The following TNN variants were observed in gnomAD, a reference collection of about 807,000 sequenced individuals.
TNN encodes the protein tenascin-N.
Under a neutral mutation model 134.4 loss-of-function variants are expected in TNN, and 122 were observed. The ratio of observed to expected loss-of-function variants is 0.91; its 90% CI spans 0.78 to 1.06. The LOEUF (loss-of-function observed/expected upper bound fraction) is 1.06. Among genes scored for constraint, TNN ranks in the 50% least tolerant of loss-of-function variants. TNN has a pLI of 0.00. For missense variants in TNN, 1,739 were observed against 1,699.4 expected, an observed-to-expected ratio of 1.02 and a Z score of -0.41; for synonymous variants, 710 against 670.3, an observed-to-expected ratio of 1.06 and a Z score of -0.91.
rs985199762 is a variant in TNN at position 175,104,920 on chromosome 1, T to G, written c.2119+6325T>G. Reference sequence around the variant, plus strand: ...AATAATTCATGGGCTTTTTCCCAATTCTCCTTAGTCCTTCCAGAACACAGA... The same window carrying G: ...AATAATTCATGGGCTTTTTCCCAATGCTCCTTAGTCCTTCCAGAACACAGA... On this transcript the variant is annotated intron_variant, in intron 9 of 18. Coordinates refer to ENST00000239462, the MANE Select transcript of TNN (RefSeq NM_022093.2). Among the ~76,000 whole-genome samples, 7 of 145,948 alleles carry G rather than the reference T, an allele frequency of 4.8e-5. 1 individual carries two copies. The highest frequency in any genetic ancestry group is 1.7e-4 in the African/African-American group (7 of 40,518).
At position 175,077,689 on chromosome 1, in the gene TNN, C is replaced by G; in HGVS notation, c.271C>G (p.Arg91Gly). The G allele has an allele frequency of 6.2e-7, 1 of 1,614,236 alleles. No homozygotes were observed. Residue 91 changes from arginine to glycine, a missense_variant, in exon 2 of 19, where the codon CGC becomes GGC. Coordinates refer to ENST00000239462, the MANE Select transcript of TNN (RefSeq NM_022093.2). Reference sequence around the variant, plus strand: ...GAACATCATCTTCAGGCACAACATCCGCCTTCAGACGCCACAGAAGGACTG... The same window carrying G: ...GAACATCATCTTCAGGCACAACATCGGCCTTCAGACGCCACAGAAGGACTG... ...EQNIIFRHNI[R>G]LQTPQKDCEL...
intron 16 of TNN, 118 bp downstream of exon 16, chr1:175,136,059 A>G (rs1574178044): frequency 2.7e-6 from 2 of 732,476 alleles, no homozygotes; most frequent in Admixed American, 2.1e-5. Context: ...TGGCAGGGAG[A>G]CAGAGGACTG....
At chr1:175,083,480 G>T (rs1050233031) in intron 4 of TNN, among the ~76,000 whole-genome samples, 9 of 152,210 alleles carry the variant, frequency 5.9e-5, no homozygotes, top group Admixed American at 6.5e-5. Flanking sequence ...GCCAAAGTCA[G>T]TGTGGACAGG....
chr1:175,085,913 A>G (rs900863276), intron 6 of TNN, among the ~76,000 whole-genome samples: 6 of 150,586 alleles, frequency 4.0e-5, no homozygotes, highest in African/African-American at 9.8e-5. Context: ...TGGGATTTAC[A>G]TGTAGAGAGA....
intron 17 of TNN, among the ~76,000 whole-genome samples, chr1:175,142,985 A>G (rs868220808): frequency 1.8e-4 from 27 of 152,206 alleles, no homozygotes; most frequent in Admixed American, 7.8e-4. Context: ...TTGAAGAGCC[A>G]TTGATAGATA....
intron 11 of TNN, among the ~76,000 whole-genome samples, chr1:175,123,007 A>G (rs1253116085): frequency 1.3e-5 from 2 of 152,210 alleles, no homozygotes; most frequent in Non-Finnish European, 2.9e-5. Context: ...CTCCCCTTTT[A>G]TAAGTCGGAA....
chr1:175,131,649 T>C (rs1343985847), intron 15 of TNN, among the ~76,000 whole-genome samples: 1 of 152,176 alleles, frequency 6.6e-6, no homozygotes, highest in Non-Finnish European at 1.5e-5. Flanking sequence ...TATTGAGAGA[T>C]CATAATAACT....
At position 175,123,423 on chromosome 1, in the gene TNN, GTGAC is replaced by G. The variant is rs1175205470; in HGVS notation, c.2681_2684del (p.Asp894GlyfsTer2). The G allele has an allele frequency of 6.2e-7, 1 of 1,614,014 alleles. No homozygotes were observed. Among genetic ancestry groups the G allele is most frequent in the African/African-American group, 1.3e-5 (1 of 74,912 alleles). ...AGAAATTGACGGCCCCAAAAACCTA[GTGAC>G]TGACTGGGTGACGGAGAATATGGCC... On this transcript the variant is annotated frameshift_variant, in exon 12 of 19. Coordinates refer to ENST00000239462, the MANE Select transcript of TNN (RefSeq NM_022093.2). LOFTEE classifies it high-confidence loss of function.
chr1:175,084,862 C>T (rs992112108), intron 5 of TNN, among the ~76,000 whole-genome samples: 18 of 152,198 alleles, frequency 1.2e-4, no homozygotes, highest in African/African-American at 3.9e-4. Flanking sequence ...CATAATGGCT[C>T]ATGCCTGTGG....
intron 17 of TNN, among the ~76,000 whole-genome samples, chr1:175,138,702 AG>A (rs1675877286): frequency 6.6e-6 from 1 of 152,238 alleles, no homozygotes; most frequent in South Asian, 2.1e-4. Flanking sequence ...GGCTGAAGAC[AG>A]GCTGTGCTAC....
chr1:175,102,659 C>T (rs753341823), intron 9 of TNN, among the ~76,000 whole-genome samples: 2 of 145,766 alleles, frequency 1.4e-5, no homozygotes, highest in Non-Finnish European at 3.1e-5. Flanking sequence ...CCATGCGCAG[C>T]CCTGGTTCCC....
chr1:175,133,722 C>T (rs910001016), intron 15 of TNN, among the ~76,000 whole-genome samples: 4 of 152,162 alleles, frequency 2.6e-5, no homozygotes, highest in African/African-American at 9.7e-5. Context: ...TCCTCTGGGT[C>T]CCATGCTTCT....
intron 16 of TNN, 63 bp downstream of exon 16, chr1:175,136,004 C>G (rs964203411): frequency 7.9e-7 from 1 of 1,269,146 alleles, no homozygotes; most frequent in Non-Finnish European, 1.1e-6. Context: ...GACAAGCTAG[C>G]TAGGAGGCTT....
chr1:175,097,639 A>G lies in TNN; in HGVS notation c.1811A>G (p.Lys604Arg). The change falls in exon 8 of 19, where the codon AAG becomes AGG. Residue 604 changes from lysine (K) to arginine (R), a missense_variant. Coordinates refer to ENST00000239462, the MANE Select transcript of TNN (RefSeq NM_022093.2). ...VEYTVHVWAQ[K>R]GDRESKKADT... ...TACACAGTGCATGTCTGGGCCCAGA[A>G]GGGGGACCGAGAGAGCAAGAAGGCT... The G allele has an allele frequency of 6.2e-7, 1 of 1,614,236 alleles. No homozygotes were observed. The highest frequency in any genetic ancestry group is 1.3e-5 in the African/African-American group (1 of 75,062).
In TNN at chr1:175,079,349, C is replaced by T. The variant is rs564445460; in HGVS notation, c.426C>T (p.Cys142=). The T allele has an allele frequency of 2.2e-5, 35 of 1,596,452 alleles. 1 individual carries two copies. The Middle Eastern group carries it at 5.0e-4, about 23-fold the overall frequency. The change falls in exon 3 of 19, where the codon TGC becomes TGT. Residue 142 remains cysteine (C), a synonymous_variant. Transcript: ENST00000239462. ...CQGVTDLSRH[C]SGHGTFSLET... The stretch of plus-strand genomic sequence containing the variant: ...CCCTCCCAGATCTAAGCCGCCACTG[C>T]AGCGGCCACGGGACCTTCTCCCTGG...
At chr1:175,084,526 G>A (rs745551646) in intron 5 of TNN, among the ~76,000 whole-genome samples, 114 of 152,264 alleles carry the variant, frequency 7.5e-4, no homozygotes, top group South Asian at 1.5e-3. Context: ...ACAATTCCAG[G>A]GCTCTTTTTT....
intron 6 of TNN, among the ~76,000 whole-genome samples, chr1:175,089,531 C>A (rs938680938): frequency 6.6e-6 from 1 of 152,154 alleles, no homozygotes; most frequent in African/African-American, 2.4e-5. Context: ...GCTATGCTTC[C>A]CATTCAATGA....
intron 12 of TNN, among the ~76,000 whole-genome samples, 179 bp downstream of exon 12, chr1:175,123,842 G>A (rs924780539): frequency 1.6e-5 from 1 of 61,500 alleles, no homozygotes; most frequent in South Asian, 4.2e-4. Flanking sequence ...CAGATAAGAT[G>A]AGAGAGTATA....
At chr1:175,141,154 G>A (rs1201545640) in intron 17 of TNN, among the ~76,000 whole-genome samples, 4 of 152,184 alleles carry the variant, frequency 2.6e-5, no homozygotes, top group Non-Finnish European at 4.4e-5. Flanking sequence ...GCAAATTCCA[G>A]CAAGGTAATG....
Sources: gnomAD v4.1 joint callset for allele counts (sites outside exome capture counted in the v4.1 genomes callset) on GRCh38, gnomAD v4.1.1 for gene constraint, MANE v1.5 for transcripts, NCBI Gene and HGNC (gene_info 2026-07-23, HGNC 2026-07-21) for gene names.